Variants in ZNF486 observed in about 807,000 individuals in gnomAD.
The protein encoded by ZNF486 is KRAB box only protein 2.
Under a neutral mutation model 12.8 loss-of-function variants are expected in ZNF486, and 12 were observed. The observed-to-expected ratio is 0.94, with a 90% CI of 0.60 to 1.52. The LOEUF (loss-of-function observed/expected upper bound fraction) is 1.52, where lower values mean the gene tolerates loss of function less well. Ranked by LOEUF, ZNF486 falls within the 40% of genes most tolerant of loss-of-function variation. The pLI is 0.00. For synonymous variants in ZNF486, 231 were observed against 184.9 expected (o/e 1.25, Z -2.02); for missense variants, 738 against 545.0 (o/e 1.35, Z -3.53).
chr19:20,187,084 A>G (rs1325590699), intron 3 of ZNF486, among the ~76,000 whole-genome samples: 2 of 151,766 alleles, frequency 1.3e-5, no homozygotes, highest in Non-Finnish European at 2.9e-5. Flanking sequence ...CGCCCGGCCC[A>G]TAGTTTTTTT....
At chr19:20,186,517 A>G (rs552836967) in intron 3 of ZNF486, among the ~76,000 whole-genome samples, 160 of 152,256 alleles carry the variant, frequency 1.1e-3, no homozygotes, top group African/African-American at 3.8e-3. Context: ...TTTTTTCTGC[A>G]CAGTCCATTC....
chr19:20,191,483 C>G (rs2089901939), intron 3 of ZNF486, among the ~76,000 whole-genome samples: 1 of 145,300 alleles, frequency 6.9e-6, no homozygotes, highest in Non-Finnish European at 1.5e-5. Flanking sequence ...AAAAATTATG[C>G]ACTCGGCTGG....
At chr19:20,172,138 G>A (rs1324891231) in intron 1 of ZNF486, among the ~76,000 whole-genome samples, 6 of 151,866 alleles carry the variant, frequency 4.0e-5, no homozygotes, top group Non-Finnish European at 8.8e-5. Context: ...CAAGTAGCTG[G>A]GATTACAAGC....
chr19:20,189,309 A>G (rs2089880157), intron 3 of ZNF486, among the ~76,000 whole-genome samples: 1 of 152,126 alleles, frequency 6.6e-6, no homozygotes, highest in African/African-American at 2.4e-5. Flanking sequence ...GATCTCAGGT[A>G]ATCACCCACC....
intron 3 of ZNF486, among the ~76,000 whole-genome samples, chr19:20,196,012 A>AC (rs1239882213): frequency 6.6e-6 from 1 of 152,192 alleles, no homozygotes; most frequent in Non-Finnish European, 1.5e-5. Context: ...AGGAGTTGGC[A>AC]ATTTACATTT....
chr19:20,185,105 C>T (rs1413123258), intron 2 of ZNF486, among the ~76,000 whole-genome samples: 1 of 152,082 alleles, frequency 6.6e-6, no homozygotes, highest in East Asian at 1.9e-4. Flanking sequence ...GAGCAAATAC[C>T]ACTCTAATTT....
At position 20,200,390 on chromosome 19, in the gene ZNF486, T is replaced by C. The variant is rs1211796288; in HGVS notation, c.*2288T>C. 3 of 152,166 alleles carry C rather than the reference T, an allele frequency of 2.0e-5. No homozygotes were observed. Among genetic ancestry groups the C allele is most frequent in the Non-Finnish European group, 2.9e-5 (2 of 68,030 alleles). 9.4% of individuals were successfully genotyped at this position (152,166 alleles called of 1,614,324 possible). ...GTCAGAGTAATACTTTTCTACATTA[T>C]AGTGCAAGAAATAATTATTGATAAA... On this transcript the variant is annotated 3_prime_UTR_variant, in exon 4 of 4. Transcript: ENST00000335117.
intron 3 of ZNF486, 121 bp downstream of exon 3, chr19:20,186,203 G>A: frequency 1.7e-6 from 1 of 572,146 alleles, no homozygotes; most frequent in Non-Finnish European, 2.8e-6. Context: ...TAGTTCCTGG[G>A]CAGCTGTTTT....
intron 1 of ZNF486, among the ~76,000 whole-genome samples, chr19:20,178,351 C>T (rs563776531): frequency 6.6e-6 from 1 of 152,232 alleles, no homozygotes; most frequent in Admixed American, 6.5e-5. Flanking sequence ...TCATGCCATT[C>T]TCCTGCCTCA....
intron 3 of ZNF486, among the ~76,000 whole-genome samples, chr19:20,191,719 G>C (rs2089905204): frequency 1.3e-5 from 2 of 152,150 alleles, no homozygotes. Flanking sequence ...GTAGTGAGCT[G>C]AGATTGCGCC....
chr19:20,171,998 T>TC (rs1555713946), intron 1 of ZNF486, among the ~76,000 whole-genome samples: 1 of 151,868 alleles, frequency 6.6e-6, no homozygotes, highest in African/African-American at 2.4e-5. Context: ...TTTTTTTTTT[T>TC]CCTTTCATTT....
intron 3 of ZNF486, among the ~76,000 whole-genome samples, chr19:20,188,062 G>A (rs1162738165): frequency 3.9e-5 from 6 of 152,058 alleles, no homozygotes; most frequent in African/African-American, 7.2e-5. Context: ...TTGTAGTCAG[G>A]TCTGCATATG....
At chr19:20,177,312 C>G (rs1293724401) in intron 1 of ZNF486, among the ~76,000 whole-genome samples, 2 of 152,236 alleles carry the variant, frequency 1.3e-5, no homozygotes, top group African/African-American at 4.8e-5. Flanking sequence ...AGAGTGAAAT[C>G]TTAGCTTCAG....
intron 3 of ZNF486, among the ~76,000 whole-genome samples, chr19:20,189,665 T>C (rs2089884038): frequency 6.6e-6 from 1 of 152,352 alleles, no homozygotes; most frequent in East Asian, 1.9e-4. Context: ...TGTTCATTTT[T>C]AAATCAAGTT....
In ZNF486 at chr19:20,198,954, T is replaced by A. The variant is rs1452267860; in HGVS notation, c.*852T>A. The A allele has an allele frequency of 6.6e-6, 1 of 150,666 alleles. No individual in the cohort carries two copies. Among genetic ancestry groups the A allele is most frequent in the Non-Finnish European group, 1.5e-5 (1 of 68,004 alleles). 9.3% of individuals were successfully genotyped at this position (150,666 alleles called of 1,614,324 possible). The stretch of plus-strand genomic sequence containing the variant: ...GCATAAAAAAAATTATACTACACCA[T>A]AGAAATGTATGAAATGTGACAAAGC... On this transcript the variant is annotated 3_prime_UTR_variant, in exon 4 of 4. Transcript: ENST00000335117.
chr19:20,189,163 C>T (rs1007359372), intron 3 of ZNF486, among the ~76,000 whole-genome samples: 2 of 152,126 alleles, frequency 1.3e-5, no homozygotes, highest in South Asian at 4.1e-4. Flanking sequence ...AAACCTCTGC[C>T]TCCTGGGTTC....
intron 3 of ZNF486, among the ~76,000 whole-genome samples, chr19:20,189,613 T>C (rs1156873228): frequency 6.6e-6 from 1 of 152,234 alleles, no homozygotes; most frequent in Non-Finnish European, 1.5e-5. Flanking sequence ...TTCTTTCAAA[T>C]GCTTTTTCCC....
intron 1 of ZNF486, among the ~76,000 whole-genome samples, chr19:20,168,424 G>A (rs1376775120): frequency 6.6e-6 from 1 of 152,200 alleles, no homozygotes; most frequent in Non-Finnish European, 1.5e-5. Context: ...GGAGGCCAAG[G>A]CAGGCGGATC....
intron 3 of ZNF486, among the ~76,000 whole-genome samples, chr19:20,196,650 A>C (rs2089961038): frequency 6.6e-6 from 1 of 152,262 alleles, no homozygotes; most frequent in African/African-American, 2.4e-5. Context: ...TTTTAAAGGC[A>C]CAATGTTATA....
Sources: gnomAD v4.1 joint callset for allele counts (sites outside exome capture counted in the v4.1 genomes callset) on GRCh38, gnomAD v4.1.1 for gene constraint, MANE v1.5 for transcripts, NCBI Gene and HGNC (gene_info 2026-07-23, HGNC 2026-07-21) for gene names.